SLCO6A1: variants seen among roughly 807,000 people sequenced by gnomAD.
SLCO6A1 encodes cancer/testis antigen 48.
Under a neutral mutation model 72.7 loss-of-function variants are expected in SLCO6A1, and 65 were observed. The ratio of observed to expected loss-of-function variants is 0.89; its 90% CI spans 0.73 to 1.10. The LOEUF (loss-of-function observed/expected upper bound fraction) is 1.10, where lower values mean the gene tolerates loss of function less well. Ranked by LOEUF, SLCO6A1 falls within the 50% of genes least tolerant of loss-of-function variation. The probability of loss-of-function intolerance (pLI) is 0.00; values close to 1 mark genes in which losing one functional copy is unlikely to be tolerated. For synonymous variants in SLCO6A1, 314 were observed against 298.2 expected (o/e 1.05, Z -0.55); for missense variants, 874 against 872.6 (o/e 1.00, Z -0.02).
At chr5:102,428,595 A>G (rs1013145242) in intron 7 of SLCO6A1, among the ~76,000 whole-genome samples, 5 of 152,134 alleles carry the variant, frequency 3.3e-5, no homozygotes, top group African/African-American at 1.2e-4. Context: ...TTATCTCATT[A>G]CCCAGGTAAA....
intron 1 of SLCO6A1, among the ~76,000 whole-genome samples, chr5:102,483,930 TGTGA>T (rs756264696): frequency 2.7e-4 from 41 of 152,328 alleles, no homozygotes; most frequent in Non-Finnish European, 4.7e-4. Flanking sequence ...TTCTGCCGCC[TGTGA>T]GTAAGAGTTA....
intron 9 of SLCO6A1, 105 bp downstream of exon 9, chr5:102,412,885 C>T: frequency 2.2e-6 from 1 of 445,552 alleles, no homozygotes; most frequent in East Asian, 4.9e-5. Context: ...ATAGCATCTA[C>T]AAGTTGAACA....
At chr5:102,399,782 T>A (rs749713102) in intron 9 of SLCO6A1, 40 bp from the exon 10 acceptor site, 3 of 1,394,526 alleles carry the variant, frequency 2.2e-6, no homozygotes, top group Admixed American at 4.7e-5. Context: ...TTCAGAAAAA[T>A]AGTCATAAAC....
At chr5:102,475,933 T>C in intron 3 of SLCO6A1, 140 bp from the exon 4 acceptor site, 1 of 491,320 alleles carries the variant, frequency 2.0e-6, no homozygotes, top group Non-Finnish European at 3.5e-6. Flanking sequence ...AGAAACAAAA[T>C]CAATAAAAGA....
chr5:102,445,944 A>T (rs368801009), intron 6 of SLCO6A1, among the ~76,000 whole-genome samples: 1 of 152,164 alleles, frequency 6.6e-6, no homozygotes, highest in Non-Finnish European at 1.5e-5. Flanking sequence ...TTTATGTACC[A>T]GTACCATGCT....
intron 10 of SLCO6A1, among the ~76,000 whole-genome samples, chr5:102,395,218 G>T (rs1747000633): frequency 6.6e-6 from 1 of 151,634 alleles, no homozygotes; most frequent in African/African-American, 2.4e-5. Flanking sequence ...AGGCCCTGGT[G>T]TGTGATGTTC....
intron 12 of SLCO6A1, among the ~76,000 whole-genome samples, chr5:102,377,645 A>T (rs1055967614): frequency 4.6e-5 from 7 of 151,796 alleles, no homozygotes; most frequent in South Asian, 4.1e-4. Context: ...ATATATATAT[A>T]TCTATAGATA....
intron 4 of SLCO6A1, among the ~76,000 whole-genome samples, chr5:102,467,729 T>G (rs926480863): frequency 6.6e-6 from 1 of 152,150 alleles, no homozygotes; most frequent in Non-Finnish European, 1.5e-5. Context: ...CTTTCTTTCT[T>G]TCCTGGTTAA....
intron 6 of SLCO6A1, among the ~76,000 whole-genome samples, chr5:102,445,615 T>G (rs1750066589): frequency 6.6e-6 from 1 of 152,232 alleles, no homozygotes; most frequent in Non-Finnish European, 1.5e-5. Context: ...TTGTCATGAT[T>G]GTTTTCAGAG....
intron 6 of SLCO6A1, among the ~76,000 whole-genome samples, chr5:102,455,027 T>TATATATATATATATATATATATATAA (rs144619414): frequency 2.1e-5 from 3 of 141,826 alleles, no homozygotes; most frequent in African/African-American, 5.4e-5. Context: ...TATATATATA[T>TATATATATATATATATATATATATAA]AAATTATGTT....
intron 8 of SLCO6A1, among the ~76,000 whole-genome samples, chr5:102,418,226 A>C (rs1748399574): frequency 6.6e-6 from 1 of 152,018 alleles, no homozygotes; most frequent in Admixed American, 6.6e-5. Context: ...GTATATACAT[A>C]TACTTTTTGC....
At chr5:102,468,206 T>C (rs1190906665) in intron 4 of SLCO6A1, among the ~76,000 whole-genome samples, 1 of 152,146 alleles carries the variant, frequency 6.6e-6, no homozygotes, top group Non-Finnish European at 1.5e-5. Flanking sequence ...ATACTTGATA[T>C]GCTTTCCATT....
intron 1 of SLCO6A1, among the ~76,000 whole-genome samples, chr5:102,489,241 T>G (rs1752569417): frequency 6.6e-6 from 1 of 152,176 alleles, no homozygotes; most frequent in South Asian, 2.1e-4. Flanking sequence ...CTTGCAAACA[T>G]CTCTGGAGAA....
At chr5:102,487,540 G>A (rs142148572) in intron 1 of SLCO6A1, among the ~76,000 whole-genome samples, 1 of 152,272 alleles carries the variant, frequency 6.6e-6, no homozygotes, top group East Asian at 1.9e-4. Context: ...GATACTTTAA[G>A]TAAAGCTAAT....
intron 1 of SLCO6A1, among the ~76,000 whole-genome samples, chr5:102,490,601 A>G (rs111572484): frequency 0.017 from 2,613 of 152,154 alleles, 34 homozygotes; most frequent in African/African-American, 0.033. Flanking sequence ...TAAAGGCGGC[A>G]TGTCTGGAGT....
chr5:102,434,719 T>C (rs1404620337), intron 7 of SLCO6A1, among the ~76,000 whole-genome samples: 2 of 152,204 alleles, frequency 1.3e-5, no homozygotes, highest in African/African-American at 2.4e-5. Flanking sequence ...CCATAGAAAG[T>C]ACCATAGGTC....
chr5:102,463,603 T>C lies in SLCO6A1; in HGVS notation c.900-3826A>G, dbSNP rs1336386257. Among the ~76,000 whole-genome samples, 6 of 152,140 alleles carry C rather than the reference T, an allele frequency of 3.9e-5. No homozygotes were observed. In the East Asian group the frequency reaches 7.7e-4, roughly 20 times the overall value. Reference sequence around the variant, plus strand: ...TACTCCACCATAAAAAGGAACAAAATAGGCCGGGCACGGTGGCTCATGCCT... The same window carrying C: ...TACTCCACCATAAAAAGGAACAAAACAGGCCGGGCACGGTGGCTCATGCCT... On this transcript the variant is annotated intron_variant, in intron 4 of 13. Transcript: ENST00000506729.
intron 9 of SLCO6A1, among the ~76,000 whole-genome samples, chr5:102,402,578 A>C (rs980041526): frequency 6.6e-6 from 1 of 152,184 alleles, no homozygotes; most frequent in Admixed American, 6.5e-5. Flanking sequence ...AGATGGTGGC[A>C]TCTAGTGAGG....
intron 4 of SLCO6A1, 101 bp from the exon 5 acceptor site, chr5:102,459,878 G>C: frequency 5.4e-5 from 52 of 961,336 alleles, no homozygotes; most frequent in Non-Finnish European, 6.0e-5. Flanking sequence ...AGAGAGGGAG[G>C]GTTGGAGAGT....
Sources: gnomAD v4.1 joint callset for allele counts (sites outside exome capture counted in the v4.1 genomes callset) on GRCh38, gnomAD v4.1.1 for gene constraint, MANE v1.5 for transcripts, NCBI Gene and HGNC (gene_info 2026-07-23, HGNC 2026-07-21) for gene names.